Variants in ZMAT4 observed in about 807,000 individuals in gnomAD.
ZMAT4 encodes zinc finger matrin-type 4.
Under a neutral mutation model 28.7 loss-of-function variants are expected in ZMAT4, and 17 were observed. The ratio of observed to expected loss-of-function variants is 0.59; its 90% CI spans 0.41 to 0.89. The LOEUF (loss-of-function observed/expected upper bound fraction) is 0.89, where lower values mean the gene tolerates loss of function less well. Among genes scored for constraint, ZMAT4 ranks in the 40% least tolerant of loss-of-function variants. ZMAT4 has a pLI of 0.00. For synonymous variants in ZMAT4, 117 were observed against 109.2 expected (o/e 1.07, Z -0.44); for missense variants, 240 against 283.8 (o/e 0.85, Z 1.11).
intron 1 of ZMAT4, among the ~76,000 whole-genome samples, chr8:40,868,540 G>A (rs568549166): frequency 6.6e-6 from 1 of 152,302 alleles, no homozygotes; most frequent in South Asian, 2.1e-4. Flanking sequence ...ACCACAGACT[G>A]CACTTGGGCA....
At chr8:40,581,051 A>G in intron 6 of ZMAT4, 114 bp downstream of exon 6, 1 of 801,288 alleles carries the variant, frequency 1.2e-6, no homozygotes, top group South Asian at 1.8e-5. Flanking sequence ...TTGAAGCAAA[A>G]GAGATGTAAT....
chr8:40,590,827 T>C (rs778033560), intron 5 of ZMAT4, among the ~76,000 whole-genome samples: 2 of 152,140 alleles, frequency 1.3e-5, no homozygotes, highest in African/African-American at 2.4e-5. Context: ...GCCACATCTT[T>C]ATTTTCTCTT....
At chr8:40,667,861 AAAC>A (rs1808494763) in intron 5 of ZMAT4, among the ~76,000 whole-genome samples, 2 of 151,890 alleles carry the variant, frequency 1.3e-5, no homozygotes, top group African/African-American at 4.8e-5. Context: ...ACAAAAAAAA[AAAC>A]CAAGAAAAAG....
intron 2 of ZMAT4, among the ~76,000 whole-genome samples, chr8:40,770,685 T>C (rs936731400): frequency 1.3e-4 from 20 of 151,844 alleles, no homozygotes; most frequent in African/African-American, 4.1e-4. Context: ...GTAGCTGGGA[T>C]TATAGGAGCG....
intron 1 of ZMAT4, among the ~76,000 whole-genome samples, chr8:40,842,291 A>G (rs1463932280): frequency 6.6e-6 from 1 of 152,214 alleles, no homozygotes; most frequent in African/African-American, 2.4e-5. Flanking sequence ...GAACTTGCAG[A>G]AACAGGGCAG....
At chr8:40,755,699 C>T (rs534635378) in intron 3 of ZMAT4, among the ~76,000 whole-genome samples, 5 of 152,288 alleles carry the variant, frequency 3.3e-5, no homozygotes, top group African/African-American at 4.8e-5. Context: ...GCAATCTGCC[C>T]GCCTTGGCCT....
intron 3 of ZMAT4, among the ~76,000 whole-genome samples, chr8:40,747,963 A>T (rs1812306788): frequency 6.6e-6 from 1 of 152,250 alleles, no homozygotes; most frequent in Admixed American, 6.5e-5. Context: ...CAAAAATTTT[A>T]AACGACCAAC....
At chr8:40,806,401 A>G (rs1404403148) in intron 2 of ZMAT4, among the ~76,000 whole-genome samples, 1 of 152,248 alleles carries the variant, frequency 6.6e-6, no homozygotes, top group Non-Finnish European at 1.5e-5. Context: ...ATGATCACAC[A>G]TATGAAAAAT....
intron 6 of ZMAT4, among the ~76,000 whole-genome samples, chr8:40,544,017 C>T (rs117440567): frequency 0.014 from 2,126 of 152,136 alleles, 24 homozygotes; most frequent in Middle Eastern, 0.024. Flanking sequence ...ATGTTGAAGC[C>T]AGTGGTGGAG....
chr8:40,566,668 C>T (rs925875634), intron 6 of ZMAT4, among the ~76,000 whole-genome samples: 1 of 152,234 alleles, frequency 6.6e-6, no homozygotes, highest in Non-Finnish European at 1.5e-5. Flanking sequence ...AAGCTCCCCC[C>T]TACTCAGTTG....
At chr8:40,573,213 G>T (rs555608852) in intron 6 of ZMAT4, among the ~76,000 whole-genome samples, 2 of 152,056 alleles carry the variant, frequency 1.3e-5, no homozygotes, top group East Asian at 3.9e-4. Flanking sequence ...GTGTCTAAAG[G>T]GTTGCCTAAA....
At chr8:40,777,767 G>A (rs1813662938) in intron 2 of ZMAT4, among the ~76,000 whole-genome samples, 1 of 152,182 alleles carries the variant, frequency 6.6e-6, no homozygotes, top group African/African-American at 2.4e-5. Flanking sequence ...AGGCAGGCAG[G>A]GCAGTCTCTC....
rs150667137 is a variant in ZMAT4 at position 40,675,066 on chromosome 8, G to A, written c.350-135C>T. On this transcript the variant is annotated intron_variant, in intron 4 of 6. Transcript: ENST00000297737. ...ATCCCCAAGAGTTCATTGACAGCAG[G>A]AAAATTAGCCCTGCCAGCTTTCATT... 70 of 569,046 alleles carry A rather than the reference G, an allele frequency of 1.2e-4. No individual in the cohort carries two copies. In the East Asian group the frequency reaches 1.8e-3, roughly 15 times the overall value. The allele number at this position is 569,046 out of a possible 1,614,324, so 35.2% of individuals were successfully genotyped here. A position where few individuals can be genotyped will look rare whatever the true frequency, so the allele number is the denominator to read the frequency against.
intron 4 of ZMAT4, among the ~76,000 whole-genome samples, chr8:40,693,798 C>G (rs1327964845): frequency 3.3e-5 from 5 of 152,188 alleles, no homozygotes; most frequent in Admixed American, 2.6e-4. Context: ...GAAGGCGACT[C>G]AAGTTGCAAC....
chr8:40,705,049 C>T (rs1399175200), intron 3 of ZMAT4, among the ~76,000 whole-genome samples: 1 of 152,158 alleles, frequency 6.6e-6, no homozygotes, highest in Admixed American at 6.5e-5. Context: ...TGGATGAAAA[C>T]TCCCAATTTC....
intron 3 of ZMAT4, among the ~76,000 whole-genome samples, chr8:40,765,398 C>T (rs1169673376): frequency 2.6e-5 from 4 of 152,114 alleles, no homozygotes; most frequent in African/African-American, 9.7e-5. Flanking sequence ...CAAATGTACA[C>T]ACAGTGTAAC....
At chr8:40,647,368 G>A (rs1197082669) in intron 5 of ZMAT4, among the ~76,000 whole-genome samples, 6 of 152,176 alleles carry the variant, frequency 3.9e-5, no homozygotes, top group Non-Finnish European at 7.4e-5. Context: ...CTTTTCTGAC[G>A]GGCTTAAAAC....
chr8:40,867,433 C>A (rs1466670522), intron 1 of ZMAT4, among the ~76,000 whole-genome samples: 3 of 152,134 alleles, frequency 2.0e-5, no homozygotes, highest in African/African-American at 4.8e-5. Context: ...TTTGCTCAGG[C>A]CTCCCCAGTG....
chr8:40,595,520 T>C (rs1805061052), intron 5 of ZMAT4, among the ~76,000 whole-genome samples: 1 of 152,154 alleles, frequency 6.6e-6, no homozygotes, highest in African/African-American at 2.4e-5. Context: ...CCTACACACT[T>C]AGGCTATAAG....
Sources: gnomAD v4.1 joint callset for allele counts (sites outside exome capture counted in the v4.1 genomes callset) on GRCh38, gnomAD v4.1.1 for gene constraint, MANE v1.5 for transcripts, NCBI Gene and HGNC (gene_info 2026-07-23, HGNC 2026-07-21) for gene names.